Variants in NLRP8 observed in about 807,000 individuals in gnomAD.
NLRP8 encodes the protein NLR family pyrin domain containing 8.
In NLRP8, 86 loss-of-function variants were observed where a neutral mutation model predicts 88.7. The ratio of observed to expected loss-of-function variants is 0.97; its 90% CI spans 0.81 to 1.16. The LOEUF (loss-of-function observed/expected upper bound fraction) is 1.16. Among genes scored for constraint, NLRP8 ranks in the 50% most tolerant of loss-of-function variants. The pLI is 0.00. For missense variants in NLRP8, 1,342 were observed against 1,286.5 expected, an observed-to-expected ratio of 1.04 and a Z score of -0.66; for synonymous variants, 504 against 494.6, an observed-to-expected ratio of 1.02 and a Z score of -0.25.
chr19:55,960,166 G>A (rs1469738130), intron 3 of NLRP8, among the ~76,000 whole-genome samples: 5 of 152,166 alleles, frequency 3.3e-5, no homozygotes, highest in Non-Finnish European at 7.4e-5. Flanking sequence ...CAGCCTTTGT[G>A]TGAGGGCACT....
chr19:55,954,766 G>A lies in NLRP8; in HGVS notation c.708G>A (p.Lys236=), dbSNP rs760677218. Reference sequence around the variant, plus strand: ...CCAGAAACAAGTTCTACGCCCACAAGCGCTGGTGTGCTTTCTACTTCCATT... The same window carrying A: ...CCAGAAACAAGTTCTACGCCCACAAACGCTGGTGTGCTTTCTACTTCCATT... Residue 236 remains lysine (K), a synonymous_variant, in exon 3 of 10, where the codon AAG becomes AAA. Coordinates refer to ENST00000291971, the MANE Select transcript of NLRP8 (RefSeq NM_176811.2). 2 of 1,614,216 alleles carry A rather than the reference G, an allele frequency of 1.2e-6. No homozygotes were observed. The highest frequency in any genetic ancestry group is 3.3e-5 in the Admixed American group (2 of 60,026).
chr19:55,955,013 T>G lies in NLRP8; in HGVS notation c.955T>G (p.Leu319Val), dbSNP rs761086105. The change falls in exon 3 of 10, where the codon TTG becomes GTG. Residue 319 changes from leucine (L) to valine (V), a missense_variant. By Grantham distance (32) the Leu-to-Val change is conservative (BLOSUM62 1). Coordinates refer to ENST00000291971, the MANE Select transcript of NLRP8 (RefSeq NM_176811.2). ...GCCTGGGTCTGTCCTACTGAGCAGT[T>G]TGCTGAGCAAAACGATGCTTCCAGA... 1 of 1,614,120 alleles carries G rather than the reference T, an allele frequency of 6.2e-7. No homozygotes were observed. Among genetic ancestry groups the G allele is most frequent in the East Asian group, 2.2e-5 (1 of 44,880 alleles).
rs536213519 is a variant in NLRP8, at chr19:55,987,646, C to G, written c.3048-168C>G. ...AAAGCTGGGTCTGAGACTTCAAGCC[C>G]TATAATCTTAACTGCTGCTTTCTAA... is the stretch of plus-strand genomic sequence containing the variant. On this transcript the variant is annotated intron_variant, in intron 9 of 9. Coordinates refer to ENST00000291971, the MANE Select transcript of NLRP8 (RefSeq NM_176811.2). Among the ~76,000 whole-genome samples, 4 of 152,202 alleles carry G rather than the reference C, an allele frequency of 2.6e-5. No individual in the cohort carries two copies. The South Asian group carries it at 8.3e-4, about 32-fold the overall frequency.
rs112422587 is a variant in NLRP8 at position 55,968,157 on chromosome 19, G to A, written c.2381+1777G>A. Among the ~76,000 whole-genome samples, 450 of 152,240 alleles carry A rather than the reference G, an allele frequency of 3.0e-3. 2 individuals are homozygous for A. The highest frequency in any genetic ancestry group is 0.01 in the African/African-American group (424 of 41,526). ...TTAACCATTTAAAAATTTTTGTGGC[G>A]GCTGGACACCGTGGCTCATGCCTGT... is the stretch of plus-strand genomic sequence containing the variant. On this transcript the variant is annotated intron_variant, in intron 5 of 9. Coordinates refer to ENST00000291971, the MANE Select transcript of NLRP8 (RefSeq NM_176811.2).
At chr19:55,971,667 G>GCACA (rs34879508) in intron 6 of NLRP8, among the ~76,000 whole-genome samples, 1,666 of 150,800 alleles carry the variant, frequency 0.011, 33 homozygotes, top group African/African-American at 0.034. Flanking sequence ...ACACACACAC[G>GCACA]CACACACACA....
At chr19:55,976,856 G>A (rs938427233) in intron 8 of NLRP8, among the ~76,000 whole-genome samples, 71 of 150,584 alleles carry the variant, frequency 4.7e-4, no homozygotes, top group Non-Finnish European at 1.6e-4. Flanking sequence ...GAGGTGGGGC[G>A]GATCATGAGA....
At chr19:55,986,356 A>G (rs1980810311) in intron 9 of NLRP8, among the ~76,000 whole-genome samples, 1 of 150,812 alleles carries the variant, frequency 6.6e-6, no homozygotes, top group African/African-American at 2.4e-5. Context: ...ATTGTCTCAC[A>G]CCCACTCACA....
chr19:55,952,682 C>A, intron 2 of NLRP8, 70 bp downstream of exon 2: 1 of 1,239,590 alleles, frequency 8.1e-7, no homozygotes, highest in Non-Finnish European at 1.2e-6. Context: ...TGCTCAGTTG[C>A]TAAGGCAAGC....
At chr19:55,973,897 C>T in intron 7 of NLRP8, 75 bp downstream of exon 7, 1 of 1,402,716 alleles carries the variant, frequency 7.1e-7, no homozygotes, top group Non-Finnish European at 9.7e-7. Flanking sequence ...GTTATATATT[C>T]ATTTATGTCA....
intron 8 of NLRP8, among the ~76,000 whole-genome samples, chr19:55,978,765 G>C (rs1333062118): frequency 2.0e-5 from 3 of 152,182 alleles, no homozygotes; most frequent in African/African-American, 7.2e-5. Context: ...CTTACTTATA[G>C]AAGGATTTGA....
At chr19:55,957,315 G>A (rs1189028297) in intron 3 of NLRP8, among the ~76,000 whole-genome samples, 1 of 152,126 alleles carries the variant, frequency 6.6e-6, no homozygotes, top group Non-Finnish European at 1.5e-5. Flanking sequence ...GCTACATGCA[G>A]CTAGTAGCTA....
At position 55,987,858 on chromosome 19, in the gene NLRP8, C is replaced by G. The variant is rs1175610740; in HGVS notation, c.3092C>G (p.Pro1031Arg). The G allele has an allele frequency of 6.2e-7, 1 of 1,614,090 alleles. No homozygotes were observed. Among genetic ancestry groups the G allele is most frequent in the South Asian group, 1.1e-5 (1 of 91,078 alleles). The change falls in exon 10 of 10, where the codon CCT becomes CGT. Residue 1031 changes from proline to arginine, a missense_variant. Coordinates refer to ENST00000291971, the MANE Select transcript of NLRP8 (RefSeq NM_176811.2). ...CGAATAACTAGCTTCTCCCCAACTC[C>G]TCACCCACCCGACTTCACGGGAAAA...
chr19:55,969,360 G>A (rs763234553), intron 5 of NLRP8, among the ~76,000 whole-genome samples: 3 of 152,266 alleles, frequency 2.0e-5, no homozygotes, highest in African/African-American at 2.4e-5. Flanking sequence ...AACATACGAC[G>A]TTTGGTTTTC....
Position 55,954,850 on chromosome 19 carries a change from GC to G in NLRP8, c.794del (p.Pro265LeufsTer38). Reference sequence around the variant, plus strand: ...TCTCCGAGCTGATTGAGCAAAAGTGGCCTGGATCTCAGGACCTCGTGTCAAA... The same window carrying G: ...TCTCCGAGCTGATTGAGCAAAAGTGGCTGGATCTCAGGACCTCGTGTCAAA... On this transcript the variant is annotated frameshift_variant, in exon 3 of 10. Coordinates refer to ENST00000291971, the MANE Select transcript of NLRP8 (RefSeq NM_176811.2). LOFTEE classifies it high-confidence loss of function. The G allele has an allele frequency of 6.2e-7, 1 of 1,614,180 alleles. No individual in the cohort carries two copies.
chr19:55,963,240 C>T (rs1419180314), intron 4 of NLRP8, among the ~76,000 whole-genome samples: 1 of 152,184 alleles, frequency 6.6e-6, no homozygotes, highest in Non-Finnish European at 1.5e-5. Flanking sequence ...TTTTGAACTC[C>T]TGACCTCAAG....
In NLRP8 at chr19:55,971,045, A is replaced by G. The variant is rs531993510; in HGVS notation, c.2534+349A>G. On this transcript the variant is annotated intron_variant, in intron 6 of 9. Coordinates refer to ENST00000291971, the MANE Select transcript of NLRP8 (RefSeq NM_176811.2). ...GCCCCCGACCCCACTGTGATGACATATTGAATCAGGTTGATCAGGCTCCTT... is the reference window on the plus strand; with the variant it reads ...GCCCCCGACCCCACTGTGATGACATGTTGAATCAGGTTGATCAGGCTCCTT... Among the ~76,000 whole-genome samples, 11 of 152,182 alleles carry G rather than the reference A, an allele frequency of 7.2e-5. No individual in the cohort carries two copies. In the East Asian group the frequency reaches 1.5e-3, roughly 21 times the overall value.
At chr19:55,971,712 G>T (rs1012668126) in intron 6 of NLRP8, among the ~76,000 whole-genome samples, 1 of 152,006 alleles carries the variant, frequency 6.6e-6, no homozygotes, top group African/African-American at 2.4e-5. Flanking sequence ...AGAATTGCAG[G>T]GCCTTGGTGA....
In NLRP8 at chr19:55,948,168, T is replaced by G. The variant is rs1649123167; in HGVS notation, c.266T>G (p.Ile89Arg). The change falls in exon 1 of 10, where the codon ATA becomes AGA. Residue 89 changes from isoleucine (I) to arginine (R), a missense_variant. Transcript: ENST00000291971. ...TGGGCAGAGGTGGTTCATCTCTTGA[T>G]AGAGCGTTTCCCTGGACGACGCGCT... 6.2e-7 allele frequency: 1 copy of G among 1,614,052 alleles called. No homozygotes were observed. Among genetic ancestry groups the G allele is most frequent in the African/African-American group, 1.3e-5 (1 of 74,922 alleles).
At chr19:55,950,008 A>G (rs1010310782) in intron 1 of NLRP8, among the ~76,000 whole-genome samples, 2 of 152,226 alleles carry the variant, frequency 1.3e-5, no homozygotes, top group African/African-American at 4.8e-5. Context: ...AAAAGGAGAG[A>G]GAGTCACCGG....
Sources: allele counts gnomAD v4.1 joint callset (sites outside exome capture counted in the v4.1 genomes callset), GRCh38; gene constraint gnomAD v4.1.1; transcripts MANE v1.5; gene names NCBI Gene and HGNC (gene_info 2026-07-23, HGNC 2026-07-21).